SLC28A3: variants seen among roughly 807,000 people sequenced by gnomAD.
The protein encoded by SLC28A3 is concentrative Na(+)-nucleoside cotransporter 3.
SLC28A3 carries 68 observed loss-of-function variants against 84.2 expected under a neutral mutation model. That is an observed-to-expected ratio of 0.81 (90% CI 0.66 to 0.99). The LOEUF (loss-of-function observed/expected upper bound fraction) is 0.99. SLC28A3 is among the 50% of genes least tolerant of loss of function. SLC28A3 has a pLI of 0.00. For synonymous variants in SLC28A3, 267 were observed against 303.6 expected (o/e 0.88, Z 1.25); for missense variants, 712 against 841.5 (o/e 0.85, Z 1.90).
intron 1 of SLC28A3, among the ~76,000 whole-genome samples, chr9:84,332,548 C>T (rs1297874596): frequency 1.3e-5 from 2 of 152,004 alleles, no homozygotes; most frequent in South Asian, 2.1e-4. Context: ...TGGAAAAACC[C>T]ATGAAGGTAA....
At chr9:84,311,626 C>T (rs909048042) in intron 2 of SLC28A3, among the ~76,000 whole-genome samples, 2 of 151,988 alleles carry the variant, frequency 1.3e-5, no homozygotes, top group African/African-American at 2.4e-5. Context: ...CCAAGGCAGG[C>T]GGATCACAAG....
upstream of SLC28A3, among the ~76,000 whole-genome samples, chr9:84,341,108 G>C (rs1443837984): frequency 6.6e-6 from 1 of 151,840 alleles, no homozygotes; most frequent in African/African-American, 2.4e-5. Flanking sequence ...CAAGTAGCTG[G>C]GATTACAGGT....
rs535469828 is a variant in SLC28A3 at position 84,324,649 on chromosome 9, T to TA, written c.61-11196dup. ...TAGGTGACACAGTGAGACCCTGTCTTAAAAAAAAAAAAAGTCTTAAAAGCT... is the reference window on the plus strand; with the variant it reads ...TAGGTGACACAGTGAGACCCTGTCTTAAAAAAAAAAAAAAGTCTTAAAAGCT... On this transcript the variant is annotated intron_variant, in intron 1 of 17. Coordinates refer to ENST00000376238, the MANE Select transcript of SLC28A3 (RefSeq NM_001199633.2). Among the ~76,000 whole-genome samples, 822 of 142,098 alleles carry TA rather than the reference T, an allele frequency of 5.8e-3. 9 individuals carry two copies. Among genetic ancestry groups the TA allele is most frequent in the Non-Finnish European group, 9.2e-3 (601 of 64,988 alleles). 93.2% of individuals were successfully genotyped at this position (142,098 alleles called of 152,430 possible).
At chr9:84,330,490 G>A (rs1564176887) in intron 1 of SLC28A3, among the ~76,000 whole-genome samples, 2 of 152,140 alleles carry the variant, frequency 1.3e-5, no homozygotes, top group Admixed American at 6.5e-5. Context: ...GTGGCAAGTG[G>A]TTACTGAGTG....
chr9:84,285,872 C>G lies in SLC28A3; in HGVS notation c.1449+71G>C, dbSNP rs1564146651. 3.2e-5 allele frequency: 49 copies of G among 1,509,198 alleles called. No individual in the cohort carries two copies. The South Asian group carries it at 4.8e-4, about 15-fold the overall frequency. 93.5% of individuals were successfully genotyped at this position (1,509,198 alleles called of 1,614,324 possible). On this transcript the variant is annotated intron_variant, in intron 13 of 17. Transcript: ENST00000376238. Reference sequence around the variant, plus strand: ...TACTGAGGTTAGGGTGGGCTGTTTACAAACCTATTTTATTTTTAAACAAAG... The same window carrying G: ...TACTGAGGTTAGGGTGGGCTGTTTAGAAACCTATTTTATTTTTAAACAAAG...
At chr9:84,348,510 C>A in the SLC28A3 span, among the ~76,000 whole-genome samples, 1 of 152,186 alleles carries the variant, frequency 6.6e-6, no homozygotes, top group South Asian at 2.1e-4. Flanking sequence ...TTACAGCTAT[C>A]TCATGGGTCT....
intron 1 of SLC28A3, among the ~76,000 whole-genome samples, chr9:84,338,034 T>C (rs1176103373): frequency 3.3e-5 from 5 of 152,334 alleles, no homozygotes; most frequent in African/African-American, 9.6e-5. Flanking sequence ...AGGTAATCCA[T>C]AGATATGCAT....
the SLC28A3 span, among the ~76,000 whole-genome samples, chr9:84,348,790 C>G: frequency 2.0e-5 from 3 of 152,202 alleles, no homozygotes; most frequent in East Asian, 5.8e-4. Flanking sequence ...ATTTCTGTCT[C>G]TCTCCTGTGC....
intron 2 of SLC28A3, among the ~76,000 whole-genome samples, chr9:84,311,078 A>T (rs912016277): frequency 2.0e-5 from 3 of 151,956 alleles, no homozygotes; most frequent in Admixed American, 2.0e-4. Flanking sequence ...CGCTGGAGAG[A>T]GTTGTGTTTA....
Position 84,279,304 on chromosome 9 carries a change from G to A in SLC28A3, c.1910C>T (p.Thr637Ile), listed in dbSNP as rs925990245. ...NAFNSTFPGN[T>I]TKVIACCQSL... ...TTGGCAACAAGCTATCACCTTGGTT[G>A]TGTTTCCAGGGAAAGTGGAGTTGAA... The change falls in exon 17 of 18, where the codon ACA (threonine) becomes ATA (isoleucine). Residue 637 changes from threonine (T) to isoleucine (I), a missense_variant. By Grantham distance (89) the Thr-to-Ile change is moderately conservative. Coordinates refer to ENST00000376238, the MANE Select transcript of SLC28A3 (RefSeq NM_001199633.2). The A allele has an allele frequency of 6.2e-7, 1 of 1,613,312 alleles. No individual in the cohort carries two copies. The highest frequency in any genetic ancestry group is 1.7e-5 in the Admixed American group (1 of 59,950).
chr9:84,367,654 G>C, the SLC28A3 span, among the ~76,000 whole-genome samples: 8 of 152,152 alleles, frequency 5.3e-5, no homozygotes, highest in Admixed American at 5.2e-4. Context: ...TCTCGGCAAG[G>C]GGAGTGTGGC....
intron 1 of SLC28A3, among the ~76,000 whole-genome samples, chr9:84,323,528 A>G: frequency 6.6e-6 from 1 of 151,094 alleles, no homozygotes. Flanking sequence ...GGGTTCAAGC[A>G]ATTCTCCTGC....
intron 10 of SLC28A3, among the ~76,000 whole-genome samples, chr9:84,291,867 GA>G (rs1436831616): frequency 6.6e-6 from 1 of 152,178 alleles, no homozygotes; most frequent in Non-Finnish European, 1.5e-5. Context: ...CTGGAGTGAT[GA>G]GGGGCTTATT....
the SLC28A3 span, among the ~76,000 whole-genome samples, chr9:84,361,712 A>G: frequency 7.2e-5 from 11 of 151,898 alleles, no homozygotes; most frequent in South Asian, 1.0e-3. Flanking sequence ...ATTCCCCCCA[A>G]AAGAGGCAAT....
chr9:84,345,413 T>C (rs1316207532), upstream of SLC28A3, among the ~76,000 whole-genome samples: 4 of 152,340 alleles, frequency 2.6e-5, no homozygotes, highest in South Asian at 8.3e-4. Context: ...GGATGATCCT[T>C]ACTTTCTGAA....
chr9:84,317,984 A>G (rs1205334222), intron 1 of SLC28A3, among the ~76,000 whole-genome samples: 1 of 152,092 alleles, frequency 6.6e-6, no homozygotes, highest in Non-Finnish European at 1.5e-5. Context: ...ACCAATGTCA[A>G]ATGTTTTAAG....
chr9:84,346,277 C>T, the SLC28A3 span, among the ~76,000 whole-genome samples: 1 of 151,992 alleles, frequency 6.6e-6, no homozygotes, highest in Non-Finnish European at 1.5e-5. Context: ...CACAAAAGTC[C>T]TCCATTTTTA....
At chr9:84,302,493 T>A in intron 4 of SLC28A3, 104 bp from the exon 5 acceptor site, 2 of 1,060,340 alleles carry the variant, frequency 1.9e-6, no homozygotes, top group Non-Finnish European at 2.7e-6. Context: ...TTAATATCAT[T>A]AAATATCACT....
the SLC28A3 span, among the ~76,000 whole-genome samples, chr9:84,365,465 C>G: frequency 6.6e-6 from 1 of 151,984 alleles, no homozygotes; most frequent in Non-Finnish European, 1.5e-5. Flanking sequence ...CACTTTGTTG[C>G]TATTTTTCCT....
Sources: gnomAD v4.1 joint callset for allele counts (sites outside exome capture counted in the v4.1 genomes callset) on GRCh38, gnomAD v4.1.1 for gene constraint, MANE v1.5 for transcripts, NCBI Gene and HGNC (gene_info 2026-07-23, HGNC 2026-07-21) for gene names.